The following HS6ST3 variants were observed in gnomAD, a reference collection of about 807,000 sequenced individuals.
The protein encoded by HS6ST3 is heparan sulfate 6-O-sulfotransferase 3.
A neutral mutation model predicts 36.7 loss-of-function variants in HS6ST3; 12 were observed. That is an observed-to-expected ratio of 0.33 (90% CI 0.21 to 0.53). HS6ST3 has a LOEUF of 0.53. Among genes scored for constraint, HS6ST3 ranks in the 20% least tolerant of loss-of-function variants. The pLI is 0.95. For synonymous variants in HS6ST3, 240 were observed against 257.5 expected, an observed-to-expected ratio of 0.93 and a Z score of 0.65; for missense variants, 584 against 640.9, an observed-to-expected ratio of 0.91 and a Z score of 0.96.
At chr13:96,669,320 C>G (rs961747587) in intron 1 of HS6ST3, among the ~76,000 whole-genome samples, 29 of 152,146 alleles carry the variant, frequency 1.9e-4, no homozygotes, top group African/African-American at 6.8e-4. Flanking sequence ...AACTGTAAAT[C>G]TAGGAGTTAG....
At position 96,278,822 on chromosome 13, in the gene HS6ST3, C is replaced by A. The variant is rs76018323; in HGVS notation, c.707+187253C>A. On this transcript the variant is annotated intron_variant, in intron 1 of 1. Coordinates refer to ENST00000376705, the MANE Select transcript of HS6ST3 (RefSeq NM_153456.4). ...TTTGAGCAGTATTTTAGAGGAACTA[C>A]AACTTATCAATTAACTCATGAGTTT... Among the ~76,000 whole-genome samples the A allele has an allele frequency of 2.5e-3, 383 of 152,266 alleles. 1 individual carries two copies. Among genetic ancestry groups the A allele is most frequent in the African/African-American group, 8.7e-3 (360 of 41,550 alleles).
chr13:96,193,189 C>A (rs2054296941), intron 1 of HS6ST3, among the ~76,000 whole-genome samples: 1 of 152,166 alleles, frequency 6.6e-6, no homozygotes, highest in Non-Finnish European at 1.5e-5. Context: ...TAGGTGGGAT[C>A]TGCTAAATCC....
At chr13:96,505,317 A>G (rs181433829) in intron 1 of HS6ST3, among the ~76,000 whole-genome samples, 1 of 152,300 alleles carries the variant, frequency 6.6e-6, no homozygotes, top group Non-Finnish European at 1.5e-5. Flanking sequence ...GGGTCATGAA[A>G]GGGAGCCCCA....
At chr13:96,822,022 G>A (rs2138542686) in intron 1 of HS6ST3, among the ~76,000 whole-genome samples, 1 of 152,318 alleles carries the variant, frequency 6.6e-6, no homozygotes, top group East Asian at 1.9e-4. Flanking sequence ...GACACCTCAT[G>A]GTTTCTACCT....
intron 1 of HS6ST3, among the ~76,000 whole-genome samples, chr13:96,723,513 G>T (rs1219702463): frequency 1.3e-5 from 2 of 152,188 alleles, no homozygotes; most frequent in Admixed American, 1.3e-4. Context: ...ATTTAGAGGT[G>T]TCCGGTGCCT....
intron 1 of HS6ST3, among the ~76,000 whole-genome samples, chr13:96,405,042 C>T (rs952961890): frequency 1.3e-5 from 2 of 152,154 alleles, no homozygotes; most frequent in Admixed American, 6.5e-5. Context: ...TCCTCCTTGC[C>T]TCCCACCATG....
intron 1 of HS6ST3, among the ~76,000 whole-genome samples, chr13:96,406,696 G>A (rs2055480176): frequency 6.6e-6 from 1 of 152,118 alleles, no homozygotes; most frequent in African/African-American, 2.4e-5. Flanking sequence ...AGCAACAGTG[G>A]CAACTCATTT....
In HS6ST3 at chr13:96,137,564, G is replaced by A. The variant is rs370958974; in HGVS notation, c.707+45995G>A. Reference sequence around the variant, plus strand: ...TTATCCTGCCTCAGCTTCCCGAGTAGCTGGGACTACAGGCATGTGCCACCA... The same window carrying A: ...TTATCCTGCCTCAGCTTCCCGAGTAACTGGGACTACAGGCATGTGCCACCA... On this transcript the variant is annotated intron_variant, in intron 1 of 1. Coordinates refer to ENST00000376705, the MANE Select transcript of HS6ST3 (RefSeq NM_153456.4). Among the ~76,000 whole-genome samples, 78 of 151,968 alleles carry A rather than the reference G, an allele frequency of 5.1e-4. 2 individuals are homozygous for A. The highest frequency in any genetic ancestry group is 1.8e-3 in the African/African-American group (76 of 41,454).
At chr13:96,250,782 G>A (rs1384359842) in intron 1 of HS6ST3, among the ~76,000 whole-genome samples, 1 of 152,170 alleles carries the variant, frequency 6.6e-6, no homozygotes, top group Non-Finnish European at 1.5e-5. Context: ...TTTGTTGAGA[G>A]TTTTTATCCT....
chr13:96,287,053 T>C (rs1485195501), intron 1 of HS6ST3, among the ~76,000 whole-genome samples: 1 of 152,020 alleles, frequency 6.6e-6, no homozygotes, highest in African/African-American at 2.4e-5. Context: ...GGGCACAGCC[T>C]CTCCTCTGGA....
At chr13:96,468,477 TACACAC>T (rs3051066) in intron 1 of HS6ST3, among the ~76,000 whole-genome samples, 11,313 of 126,290 alleles carry the variant, frequency 0.09, 547 homozygotes, top group African/African-American at 0.13. Flanking sequence ...CATACACACA[TACACAC>T]ACACACACAC....
chr13:96,771,386 G>A (rs550792827), intron 1 of HS6ST3, among the ~76,000 whole-genome samples: 35 of 151,868 alleles, frequency 2.3e-4, no homozygotes, highest in Non-Finnish European at 4.1e-4. Context: ...AAACCTGCAC[G>A]TTGTGCACAT....
intron 1 of HS6ST3, among the ~76,000 whole-genome samples, chr13:96,748,750 T>C (rs1876624842): frequency 6.6e-6 from 1 of 152,092 alleles, no homozygotes; most frequent in Non-Finnish European, 1.5e-5. Context: ...TCTGCCTGGC[T>C]TGTAGTAGAC....
chr13:96,466,861 T>C (rs993006554), intron 1 of HS6ST3, among the ~76,000 whole-genome samples: 3 of 152,188 alleles, frequency 2.0e-5, no homozygotes, highest in African/African-American at 7.2e-5. Flanking sequence ...ATGAGACAAG[T>C]GTATATGTGT....
chr13:96,118,007 T>G (rs2139303951), intron 1 of HS6ST3, among the ~76,000 whole-genome samples: 1 of 152,112 alleles, frequency 6.6e-6, no homozygotes, highest in South Asian at 2.1e-4. Flanking sequence ...GTAGCTGGGA[T>G]TACAGGTGTG....
intron 1 of HS6ST3, among the ~76,000 whole-genome samples, chr13:96,541,963 G>C (rs2056180142): frequency 6.6e-6 from 1 of 152,158 alleles, no homozygotes; most frequent in Admixed American, 6.5e-5. Flanking sequence ...TTAGCATAGT[G>C]TACATTTTCT....
chr13:96,162,263 G>A (rs1172806457), intron 1 of HS6ST3, among the ~76,000 whole-genome samples: 2 of 152,180 alleles, frequency 1.3e-5, no homozygotes, highest in Non-Finnish European at 2.9e-5. Flanking sequence ...AGAGCAGAAG[G>A]TGAAAAAGAG....
chr13:96,284,751 C>T (rs2054792359), intron 1 of HS6ST3, among the ~76,000 whole-genome samples: 1 of 43,486 alleles, frequency 2.3e-5, no homozygotes, highest in Non-Finnish European at 3.9e-5. Flanking sequence ...TACTGGTCTG[C>T]TTGCTTGCTT....
At chr13:96,123,787 C>T (rs886678864) in intron 1 of HS6ST3, among the ~76,000 whole-genome samples, 4 of 152,246 alleles carry the variant, frequency 2.6e-5, no homozygotes, top group East Asian at 1.9e-4. Flanking sequence ...TTTCCAGCTA[C>T]GATTGCCTTT....
Sources: allele counts gnomAD v4.1 joint callset (sites outside exome capture counted in the v4.1 genomes callset), GRCh38; gene constraint gnomAD v4.1.1; transcripts MANE v1.5; gene names NCBI Gene and HGNC (gene_info 2026-07-23, HGNC 2026-07-21).